Variants in ZSCAN25 observed in about 807,000 individuals in gnomAD.
The protein encoded by ZSCAN25 is zinc finger and SCAN domain-containing protein 25.
ZSCAN25 carries 27 observed loss-of-function variants against 38.7 expected under a neutral mutation model. That is an observed-to-expected ratio of 0.70 (90% confidence interval 0.51 to 0.96). The LOEUF (loss-of-function observed/expected upper bound fraction) is 0.96, where lower values mean the gene tolerates loss of function less well. Among genes scored for constraint, ZSCAN25 ranks in the 40% least tolerant of loss-of-function variants. The pLI, the probability that ZSCAN25 is intolerant of heterozygous loss-of-function variation, is 0.00. For synonymous variants in ZSCAN25, 273 were observed against 277.7 expected (o/e 0.98, Z 0.17); for missense variants, 637 against 705.9 (o/e 0.90, Z 1.11).
the ZSCAN25 span, among the ~76,000 whole-genome samples, chr7:99,639,552 G>A: frequency 6.6e-6 from 1 of 152,210 alleles, no homozygotes; most frequent in African/African-American, 2.4e-5. Flanking sequence ...CTCTGCTTGG[G>A]TGTAGACTAA....
chr7:99,737,655 CT>C, the ZSCAN25 span, among the ~76,000 whole-genome samples: 1 of 152,192 alleles, frequency 6.6e-6, no homozygotes, highest in African/African-American at 2.4e-5. Context: ...ATGTTTTCTT[CT>C]TTCCTCTAAA....
chr7:99,691,780 A>G, the ZSCAN25 span, among the ~76,000 whole-genome samples: 1 of 152,060 alleles, frequency 6.6e-6, no homozygotes, highest in African/African-American at 2.4e-5. Context: ...TTTTGAGCCT[A>G]TGTGTGTCTT....
At position 99,629,578 on chromosome 7, in the gene ZSCAN25, T is replaced by G. The variant is rs1372683991; in HGVS notation, c.1193T>G (p.Leu398Arg). The G allele has an allele frequency of 1.2e-6, 2 of 1,614,160 alleles. No individual in the cohort carries two copies. The highest frequency in any genetic ancestry group is 4.5e-5 in the East Asian group (2 of 44,882). ...EYLMKHQRTH[L>R]GKRPYVCSEC... The stretch of plus-strand genomic sequence containing the variant: ...CTGATGAAGCACCAGAGAACCCACC[T>G]GGGAAAGAGGCCCTACGTGTGCAGC... The change falls in exon 8 of 8, where the codon CTG becomes CGG. Residue 398 changes from leucine to arginine, a missense_variant. Transcript: ENST00000394152. The surrounding 1 kb of genome is among the most constrained non-coding windows in gnomAD (Gnocchi z 5.6).
chr7:99,647,373 C>T, the ZSCAN25 span: 1 of 551,560 alleles, frequency 1.8e-6, no homozygotes, highest in African/African-American at 2.0e-5. Context: ...CTTTAGTATT[C>T]AGAAAAGGAG....
chr7:99,666,635 C>T, the ZSCAN25 span: 3 of 1,613,892 alleles, frequency 1.9e-6, no homozygotes, highest in African/African-American at 4.0e-5. Context: ...TTCTCTGCTT[C>T]CCGCCTCAAG....
Position 99,630,266 on chromosome 7 carries a change from C to A in ZSCAN25, c.*246C>A. 1 of 1,304,650 alleles carries A rather than the reference C, an allele frequency of 7.7e-7. No homozygotes were observed. Among genetic ancestry groups the A allele is most frequent in the Non-Finnish European group, 9.7e-7 (1 of 1,028,776 alleles). 80.8% of individuals were successfully genotyped at this position (1,304,650 alleles called of 1,614,324 possible). On this transcript the variant is annotated 3_prime_UTR_variant, in exon 8 of 8. Transcript: ENST00000394152. ...GGAAGCAGTCTCCTGCGGTTCAGTT[C>A]AGGCTGAGATTTTCTCCTTCAGTGG...
intron 5 of ZSCAN25, 86 bp downstream of exon 5, chr7:99,621,660 C>G: frequency 9.0e-7 from 1 of 1,115,470 alleles, no homozygotes; most frequent in Non-Finnish European, 1.2e-6. Flanking sequence ...AGCAATGGAG[C>G]AACTAAGTTA....
the ZSCAN25 span, among the ~76,000 whole-genome samples, chr7:99,727,550 G>T: frequency 6.6e-6 from 1 of 152,062 alleles, no homozygotes; most frequent in Non-Finnish European, 1.5e-5. Context: ...GTATCTCTCT[G>T]ATCCATCTGA....
chr7:99,734,230 G>T, the ZSCAN25 span, among the ~76,000 whole-genome samples: 50 of 152,292 alleles, frequency 3.3e-4, 1 homozygote, highest in South Asian at 8.9e-3. Flanking sequence ...ATGTGACCAT[G>T]ATTCCTTACT....
the ZSCAN25 span, chr7:99,663,061 G>A: frequency 7.5e-7 from 1 of 1,339,914 alleles, no homozygotes; most frequent in East Asian, 3.0e-5. Context: ...TCCTTGGAAA[G>A]CAGGATGTTT....
the ZSCAN25 span, among the ~76,000 whole-genome samples, chr7:99,672,353 AG>A: frequency 1.8e-4 from 27 of 152,192 alleles, no homozygotes; most frequent in East Asian, 4.8e-3. Context: ...CCCAGCCTGT[AG>A]TTTGCCATTT....
chr7:99,722,878 T>G, the ZSCAN25 span, among the ~76,000 whole-genome samples: 3 of 152,206 alleles, frequency 2.0e-5, no homozygotes, highest in Non-Finnish European at 2.9e-5. Context: ...GAGGCATGTT[T>G]GTTGAGTGAG....
the ZSCAN25 span, among the ~76,000 whole-genome samples, chr7:99,706,444 G>A: frequency 6.6e-6 from 1 of 152,172 alleles, no homozygotes; most frequent in South Asian, 2.1e-4. Flanking sequence ...CACAAATAAT[G>A]TGGAATATGA....
the ZSCAN25 span, among the ~76,000 whole-genome samples, chr7:99,669,289 G>A: frequency 2.0e-5 from 3 of 152,168 alleles, no homozygotes; most frequent in Non-Finnish European, 4.4e-5. Context: ...GCAAAAACGT[G>A]CTGACAAATT....
the ZSCAN25 span, chr7:99,685,246 TAAAC>T: frequency 6.2e-7 from 1 of 1,613,322 alleles, no homozygotes. Flanking sequence ...CTGCAACAGT[TAAAC>T]AAGCATATTG....
Position 99,630,489 on chromosome 7 carries a change from G to A in ZSCAN25, c.*469G>A, listed in dbSNP as rs995822605. 35 of 997,532 alleles carry A rather than the reference G, an allele frequency of 3.5e-5. No homozygotes were observed. The African/African-American group carries it at 4.7e-4, about 13-fold the overall frequency. 61.8% of individuals were successfully genotyped at this position (997,532 alleles called of 1,614,324 possible). On this transcript the variant is annotated 3_prime_UTR_variant, in exon 8 of 8. Coordinates refer to ENST00000394152, the MANE Select transcript of ZSCAN25 (RefSeq NM_145115.3). ...CTGAGCACCTGGCCGTGGGAATGCC[G>A]TGGTGAATGAGAGACTAGACGTGAT...
chr7:99,641,794 C>T, the ZSCAN25 span, among the ~76,000 whole-genome samples: 1 of 152,186 alleles, frequency 6.6e-6, no homozygotes, highest in African/African-American at 2.4e-5. Context: ...CAGAGACGGA[C>T]AACTCCCACT....
chr7:99,657,878 C>T, the ZSCAN25 span, among the ~76,000 whole-genome samples: 6 of 152,230 alleles, frequency 3.9e-5, no homozygotes, highest in Non-Finnish European at 7.4e-5. Context: ...GGTTTAAAGC[C>T]TGTTTTATCA....
At position 99,629,190 on chromosome 7, in the gene ZSCAN25, G is replaced by A; in HGVS notation, c.806-1G>A. The A allele has an allele frequency of 6.2e-7, 1 of 1,606,056 alleles. No homozygotes were observed. ...AATCTTTATCTCCTCCTGTCCTGTA[G>A]GCGGTGGGAGCAAGGAAAAGGAGGC... is the stretch of plus-strand genomic sequence containing the variant. On this transcript the variant is annotated splice_acceptor_variant, in intron 7 of 7. Transcript: ENST00000394152. LOFTEE classifies it high-confidence loss of function. The surrounding 1 kb of genome is among the most constrained non-coding windows in gnomAD (Gnocchi z 5.6).
Sources: gnomAD v4.1 joint callset for allele counts (sites outside exome capture counted in the v4.1 genomes callset) on GRCh38, gnomAD v4.1.1 for gene constraint, Gnocchi (gnomAD v3.1) non-coding constraint, MANE v1.5 for transcripts, NCBI Gene and HGNC (gene_info 2026-07-23, HGNC 2026-07-21) for gene names.